DEPTOR: variants seen among roughly 807,000 people sequenced by gnomAD.
DEPTOR encodes DEP domain-containing mTOR-interacting protein.
DEPTOR carries 41 observed loss-of-function variants against 41.6 expected under a neutral mutation model. The ratio of observed to expected loss-of-function variants is 0.98; its 90% CI spans 0.77 to 1.28. DEPTOR has a LOEUF of 1.28. Among genes scored for constraint, DEPTOR ranks in the 50% most tolerant of loss-of-function variants. The pLI is 0.00. For missense variants in DEPTOR, 514 were observed against 527.9 expected, an observed-to-expected ratio of 0.97 and a Z score of 0.26; for synonymous variants, 195 against 192.3, an observed-to-expected ratio of 1.01 and a Z score of -0.12.
intron 3 of DEPTOR, among the ~76,000 whole-genome samples, chr8:119,934,524 T>G (rs909128047): frequency 6.6e-6 from 1 of 152,122 alleles, no homozygotes; most frequent in Admixed American, 6.5e-5. Flanking sequence ...GCAGGCTGAC[T>G]AAATCTCTGT....
rs545759777 is a variant in DEPTOR, at chr8:119,940,607, G to A, written c.425+10669G>A. On this transcript the variant is annotated intron_variant, in intron 3 of 8. Coordinates refer to ENST00000286234, the MANE Select transcript of DEPTOR (RefSeq NM_022783.4). ...CTGAAAATACAAAAATTAGTCGAGC[G>A]TGGTGGTGGGTGCCTGTAATCTCAG... Among the ~76,000 whole-genome samples the A allele has an allele frequency of 4.6e-5, 7 of 152,054 alleles. No homozygotes were observed. The East Asian group carries it at 1.2e-3, about 25-fold the overall frequency.
At chr8:119,930,864 T>C (rs1828033947) in intron 3 of DEPTOR, among the ~76,000 whole-genome samples, 2 of 152,096 alleles carry the variant, frequency 1.3e-5, no homozygotes, top group Non-Finnish European at 2.9e-5. Flanking sequence ...GCAGAAGCAA[T>C]GGCACGTGCT....
chr8:119,945,522 A>G lies in DEPTOR; in HGVS notation c.425+15584A>G, dbSNP rs183104512. Among the ~76,000 whole-genome samples, 424 of 152,366 alleles carry G rather than the reference A, an allele frequency of 2.8e-3. 2 individuals carry two copies. The highest frequency in any genetic ancestry group is 8.5e-3 in the African/African-American group (353 of 41,590). On this transcript the variant is annotated intron_variant, in intron 3 of 8. Transcript: ENST00000286234. ...GAGATGGGCTAAGTAGATGCTTTCA[A>G]TACTCCATTTGCTAAAGAGTGATTC...
At chr8:119,950,773 T>C (rs1275387140) in intron 3 of DEPTOR, among the ~76,000 whole-genome samples, 3 of 152,076 alleles carry the variant, frequency 2.0e-5, no homozygotes, top group Non-Finnish European at 4.4e-5. Context: ...TATTTTTGTA[T>C]TTTTAGTAGA....
chr8:119,958,808 T>G (rs189409951), intron 3 of DEPTOR, among the ~76,000 whole-genome samples: 158 of 151,740 alleles, frequency 1.0e-3, no homozygotes, highest in African/African-American at 3.5e-3. Flanking sequence ...AGAAGAAGAA[T>G]AACCTCACTT....
At chr8:119,963,581 C>A (rs1352184553) in intron 3 of DEPTOR, among the ~76,000 whole-genome samples, 1 of 152,130 alleles carries the variant, frequency 6.6e-6, no homozygotes, top group Non-Finnish European at 1.5e-5. Flanking sequence ...AAACCCCTGA[C>A]CTCAAGTGAT....
At chr8:119,901,675 C>CA (rs36026315) in intron 1 of DEPTOR, among the ~76,000 whole-genome samples, 2,485 of 87,980 alleles carry the variant, frequency 0.028, 40 homozygotes, top group Admixed American at 0.048. Flanking sequence ...GACTCTGTCT[C>CA]AAAAAAAAAA....
intron 4 of DEPTOR, among the ~76,000 whole-genome samples, chr8:119,981,140 A>T (rs575136233): frequency 5.1e-4 from 78 of 152,324 alleles, no homozygotes; most frequent in Non-Finnish European, 1.0e-3. Flanking sequence ...TATGGCCTCC[A>T]TGAGAAACAA....
intron 3 of DEPTOR, among the ~76,000 whole-genome samples, chr8:119,962,179 C>T (rs1389062367): frequency 2.6e-5 from 4 of 151,186 alleles, no homozygotes; most frequent in African/African-American, 9.7e-5. Flanking sequence ...ATCACCTGAA[C>T]TTGGGAGGTG....
intron 3 of DEPTOR, among the ~76,000 whole-genome samples, chr8:119,930,435 C>T (rs947084589): frequency 2.0e-5 from 3 of 152,096 alleles, no homozygotes; most frequent in Admixed American, 1.3e-4. Context: ...CAGGGTTTCA[C>T]CATGTTGGCC....
At chr8:119,901,720 C>G (rs1304431673) in intron 1 of DEPTOR, among the ~76,000 whole-genome samples, 1 of 151,108 alleles carries the variant, frequency 6.6e-6, no homozygotes, top group African/African-American at 2.4e-5. Context: ...TAATTTCACT[C>G]TCATTGATTC....
At position 119,998,553 on chromosome 8, in the gene DEPTOR, A is replaced by G. The variant is rs1271805363; in HGVS notation, c.605-2972A>G. Among the ~76,000 whole-genome samples, 4 of 152,188 alleles carry G rather than the reference A, an allele frequency of 2.6e-5. No homozygotes were observed. The South Asian group carries it at 6.2e-4, about 24-fold the overall frequency. ...TTCCGCATGATGGTGACCAGTTTGC[A>G]GAGTCCCTGATGACTCTACAGACAG... On this transcript the variant is annotated intron_variant, in intron 4 of 8. Transcript: ENST00000286234.
At chr8:119,923,395 C>A (rs1045342310) in intron 1 of DEPTOR, among the ~76,000 whole-genome samples, 1 of 151,974 alleles carries the variant, frequency 6.6e-6, no homozygotes, top group South Asian at 2.1e-4. Context: ...AGCTGTGTGC[C>A]ACAACACCCA....
chr8:119,906,578 C>A (rs563405103), intron 1 of DEPTOR, among the ~76,000 whole-genome samples: 2 of 152,290 alleles, frequency 1.3e-5, no homozygotes, highest in South Asian at 4.1e-4. Flanking sequence ...ACTCTAAGCC[C>A]TGTGAGAGAG....
intron 8 of DEPTOR, among the ~76,000 whole-genome samples, chr8:120,015,396 T>G (rs1164619516): frequency 6.6e-6 from 1 of 152,194 alleles, no homozygotes; most frequent in Non-Finnish European, 1.5e-5. Context: ...GTCTTAGTCA[T>G]TTTAGGCTGC....
intron 4 of DEPTOR, among the ~76,000 whole-genome samples, chr8:119,989,454 G>A (rs912821039): frequency 1.3e-5 from 2 of 152,184 alleles, no homozygotes; most frequent in African/African-American, 4.8e-5. Context: ...ATGGGAGGCA[G>A]TCTAGTGTGG....
intron 4 of DEPTOR, among the ~76,000 whole-genome samples, chr8:119,976,475 A>G (rs1914992): frequency 0.61 from 93,026 of 151,952 alleles, 28,874 homozygotes; most frequent in Middle Eastern, 0.77. Flanking sequence ...TGCTGGGCAC[A>G]ATACTGGTGT....
intron 4 of DEPTOR, among the ~76,000 whole-genome samples, chr8:119,969,224 T>C (rs890069204): frequency 2.0e-5 from 3 of 152,198 alleles, no homozygotes; most frequent in Non-Finnish European, 4.4e-5. Context: ...GGTTTCTAAA[T>C]GATTTCCAAG....
intron 3 of DEPTOR, among the ~76,000 whole-genome samples, chr8:119,935,270 A>G (rs77283752): frequency 6.6e-6 from 1 of 152,176 alleles, no homozygotes; most frequent in Non-Finnish European, 1.5e-5. Flanking sequence ...CCCAAACAGT[A>G]CAATTTTTAC....
Sources: allele counts gnomAD v4.1 joint callset (sites outside exome capture counted in the v4.1 genomes callset), GRCh38; gene constraint gnomAD v4.1.1; transcripts MANE v1.5; gene names NCBI Gene and HGNC (gene_info 2026-07-23, HGNC 2026-07-21).